The following MYO18B variants were observed in gnomAD, a reference collection of about 807,000 sequenced individuals.
MYO18B encodes unconventional myosin-XVIIIb.
MYO18B carries 204 observed loss-of-function variants against 273.0 expected under a neutral mutation model. The ratio of observed to expected loss-of-function variants is 0.75; its 90% CI spans 0.67 to 0.84. The LOEUF is 0.84. Among genes scored for constraint, MYO18B ranks in the 40% least tolerant of loss-of-function variants. The pLI, the probability that MYO18B is intolerant of heterozygous loss-of-function variation, is 0.00. For missense variants in MYO18B, 3,212 were observed against 3,287.6 expected, an observed-to-expected ratio of 0.98 and a Z score of 0.56; for synonymous variants, 1,330 against 1,305.7, an observed-to-expected ratio of 1.02 and a Z score of -0.40.
At chr22:25,997,305 C>CAAAAAAAAAAAAA (rs1933372342) in intron 40 of MYO18B, among the ~76,000 whole-genome samples, 1 of 14,090 alleles carries the variant, frequency 7.1e-5, no homozygotes, top group Non-Finnish European at 1.1e-4. Context: ...ACTCTGTCGC[C>CAAAAAAAAAAAAA]AAAAAAAAAA....
chr22:25,910,960 A>G lies in MYO18B; in HGVS notation c.5274A>G (p.Glu1758=), dbSNP rs1331163157. The part of the protein sequence containing the change: ...QSCQKRLHQL[E]MQLEQEYEEK... ...TGTATCCACAGCTTCATCAGCTGGA[A>G]ATGCAGCTGGAGCAAGAGTATGAAG... The change falls in exon 33 of 44, where the codon GAA becomes GAG. Residue 1758 remains glutamate, a synonymous_variant. Transcript: ENST00000335473. The G allele has an allele frequency of 6.3e-7, 1 of 1,595,286 alleles. No individual in the cohort carries two copies. Among genetic ancestry groups the G allele is most frequent in the African/African-American group, 1.3e-5 (1 of 74,610 alleles).
intron 11 of MYO18B, among the ~76,000 whole-genome samples, chr22:25,786,859 A>C (rs925757031): frequency 6.6e-6 from 1 of 152,230 alleles, no homozygotes; most frequent in Non-Finnish European, 1.5e-5. Flanking sequence ...TATGGAACAT[A>C]CAAAAAAAAT....
intron 12 of MYO18B, among the ~76,000 whole-genome samples, chr22:25,809,747 C>T (rs1199294593): frequency 6.6e-6 from 1 of 151,970 alleles, no homozygotes; most frequent in South Asian, 2.1e-4. Flanking sequence ...ACTGGGATAC[C>T]CCGACACCAG....
chr22:25,999,871 G>C (rs1280803401), intron 40 of MYO18B, among the ~76,000 whole-genome samples: 1 of 152,142 alleles, frequency 6.6e-6, no homozygotes, highest in Non-Finnish European at 1.5e-5. Context: ...GGCTAGGCTG[G>C]TCTGGAACTC....
chr22:26,017,444 A>C (rs563058926), intron 42 of MYO18B, among the ~76,000 whole-genome samples: 3 of 151,436 alleles, frequency 2.0e-5, no homozygotes, highest in East Asian at 1.9e-4. Flanking sequence ...AGTTGACAAC[A>C]TCACAACAGC....
chr22:25,944,615 C>T (rs936567061), intron 34 of MYO18B, among the ~76,000 whole-genome samples: 2 of 152,062 alleles, frequency 1.3e-5, no homozygotes, highest in East Asian at 1.9e-4. Context: ...TGTGGGAGGC[C>T]GAGGCGGGCA....
chr22:25,982,064 A>G (rs1201763214), intron 39 of MYO18B, among the ~76,000 whole-genome samples: 3 of 152,172 alleles, frequency 2.0e-5, no homozygotes, highest in African/African-American at 7.2e-5. Flanking sequence ...GGAAGAGAGA[A>G]AAGGGGGAGG....
chr22:25,846,407 AC>A, intron 19 of MYO18B, 124 bp downstream of exon 19: 2 of 1,055,312 alleles, frequency 1.9e-6, no homozygotes, highest in Non-Finnish European at 2.7e-6. Flanking sequence ...GGCGAGTGTC[AC>A]CCCACGCTCC....
the MYO18B span, among the ~76,000 whole-genome samples, chr22:26,062,388 G>C: frequency 6.6e-6 from 1 of 152,268 alleles, no homozygotes; most frequent in Admixed American, 6.5e-5. Context: ...GTATTGAGTT[G>C]CTAGAATAAT....
At chr22:25,801,859 A>G (rs977741689) in intron 12 of MYO18B, among the ~76,000 whole-genome samples, 1 of 152,224 alleles carries the variant, frequency 6.6e-6, no homozygotes, top group Non-Finnish European at 1.5e-5. Flanking sequence ...CAGGACATAG[A>G]GCTAAAGCTA....
intron 17 of MYO18B, among the ~76,000 whole-genome samples, chr22:25,839,348 C>T (rs974649399): frequency 1.3e-5 from 2 of 152,154 alleles, no homozygotes; most frequent in African/African-American, 4.8e-5. Flanking sequence ...GGAAGTTGTG[C>T]TGCGGCCCTG....
chr22:26,052,101 G>T, the MYO18B span, among the ~76,000 whole-genome samples: 40 of 152,316 alleles, frequency 2.6e-4, no homozygotes, highest in East Asian at 7.3e-3. Context: ...CAAGTGCTAT[G>T]TTGAAAGGTG....
rs5996988 is a variant in MYO18B at position 25,851,489 on chromosome 22, G to A, written c.3795G>A (p.Gly1265=). The A allele has an allele frequency of 0.37, 568,252 of 1,554,266 alleles. 108,321 individuals are homozygous for A. The highest frequency in any genetic ancestry group is 0.39 in the Non-Finnish European group (452,827 of 1,147,716). ...CCCTAGGCTATGCTGACCACATGGG[G>A]CTCACTCGCTTCCGCCGGCAATTCC... ...LHRTGYADHM[G]LTRFRRQFQV... Residue 1265 remains glycine (G), a synonymous_variant, in exon 21 of 44, where the codon GGG becomes GGA. Transcript: ENST00000335473.
intron 25 of MYO18B, among the ~76,000 whole-genome samples, chr22:25,888,388 A>G (rs1014125067): frequency 1.3e-5 from 2 of 152,010 alleles, no homozygotes; most frequent in African/African-American, 4.8e-5. Flanking sequence ...CAGCTTCCAG[A>G]GCAGCTGGGA....
intron 11 of MYO18B, among the ~76,000 whole-genome samples, chr22:25,794,630 G>A (rs5761197): frequency 0.74 from 112,191 of 151,714 alleles, 41,586 homozygotes; most frequent in East Asian, 0.86. Context: ...TCAGCCTCCC[G>A]AGTAGCTGGG....
rs754352979 is a variant in MYO18B at position 25,768,566 on chromosome 22, G to A, written c.650G>A (p.Arg217Gln). ...EILAPKAEKT[R>Q]TGGLGDPGQG... Reference sequence around the variant, plus strand: ...TTGGCCCCGAAAGCTGAGAAGACCCGGACTGGGGGTCTTGGGGACCCAGGC... The same window carrying A: ...TTGGCCCCGAAAGCTGAGAAGACCCAGACTGGGGGTCTTGGGGACCCAGGC... The change falls in exon 4 of 44, where the codon CGG becomes CAG. Residue 217 changes from arginine (R) to glutamine (Q), a missense_variant. Arg to Gln is a conservative substitution (Grantham distance 43, BLOSUM62 1). Coordinates refer to ENST00000335473, the MANE Select transcript of MYO18B (RefSeq NM_032608.7). 52 of 1,535,798 alleles carry A rather than the reference G, an allele frequency of 3.4e-5. 1 individual carries two copies. Among genetic ancestry groups the A allele is most frequent in the Non-Finnish European group, 4.5e-5 (51 of 1,146,046 alleles).
chr22:25,829,267 C>G (rs2089613492), intron 15 of MYO18B, among the ~76,000 whole-genome samples: 1 of 152,236 alleles, frequency 6.6e-6, no homozygotes, highest in Admixed American at 6.5e-5. Context: ...TTCTCTCCCA[C>G]TTCACTTAAG....
the MYO18B span, among the ~76,000 whole-genome samples, chr22:26,062,037 A>T: frequency 6.6e-6 from 1 of 152,200 alleles, no homozygotes; most frequent in Non-Finnish European, 1.5e-5. Flanking sequence ...TGAGCATGGA[A>T]CTTTTCTTCT....
intron 12 of MYO18B, among the ~76,000 whole-genome samples, chr22:25,800,922 CT>C (rs749015413): frequency 2.6e-5 from 4 of 152,208 alleles, no homozygotes; most frequent in Admixed American, 2.0e-4. Flanking sequence ...AGTCCTCCCC[CT>C]ATCCCACGTT....
Sources: gnomAD v4.1 joint callset for allele counts (sites outside exome capture counted in the v4.1 genomes callset) on GRCh38, gnomAD v4.1.1 for gene constraint, MANE v1.5 for transcripts, NCBI Gene and HGNC (gene_info 2026-07-23, HGNC 2026-07-21) for gene names.